The following TIMELESS variants were observed in gnomAD, a reference collection of about 807,000 sequenced individuals.
The protein encoded by TIMELESS is timeless circadian regulator.
Under a neutral mutation model 164.3 loss-of-function variants are expected in TIMELESS, and 124 were observed. That is an observed-to-expected ratio of 0.75 (90% confidence interval 0.65 to 0.88). The LOEUF (loss-of-function observed/expected upper bound fraction) is 0.88. Among genes scored for constraint, TIMELESS ranks in the 40% least tolerant of loss-of-function variants. The probability of loss-of-function intolerance (pLI) is 0.00; values close to 1 mark genes in which losing one functional copy is unlikely to be tolerated. For missense variants in TIMELESS, 1,422 were observed against 1,491.4 expected (o/e 0.95, Z 0.77); for synonymous variants, 564 against 563.4 (o/e 1.00, Z -0.02).
intron 26 of TIMELESS, 63 bp from the exon 27 acceptor site, chr12:56,418,422 T>G: frequency 8.3e-7 from 1 of 1,199,700 alleles, no homozygotes; most frequent in Non-Finnish European, 1.2e-6. Context: ...AGTATGATAT[T>G]CATTGAATAT....
At chr12:56,420,502 G>T in intron 26 of TIMELESS, 67 bp downstream of exon 26, 2 of 1,274,980 alleles carry the variant, frequency 1.6e-6, no homozygotes, top group Non-Finnish European at 2.3e-6. Flanking sequence ...ACAGTGAGGA[G>T]GAGGAGGAGA....
chr12:56,426,852 G>C, intron 13 of TIMELESS, among the ~76,000 whole-genome samples: 1 of 152,148 alleles, frequency 6.6e-6, no homozygotes, highest in Non-Finnish European at 1.5e-5. Context: ...GAGCCACCGC[G>C]CCTGGCCCAA....
chr12:56,447,968 G>A (rs1052156732), intron 1 of TIMELESS, among the ~76,000 whole-genome samples: 3 of 152,164 alleles, frequency 2.0e-5, no homozygotes, highest in Non-Finnish European at 4.4e-5. Flanking sequence ...AGTCAGGTGC[G>A]TAAGAGATTT....
intron 1 of TIMELESS, among the ~76,000 whole-genome samples, chr12:56,438,707 G>A (rs1592255445): frequency 6.6e-6 from 1 of 150,378 alleles, no homozygotes; most frequent in Non-Finnish European, 1.5e-5. Flanking sequence ...GAGCCTGGGA[G>A]GTGGAGGCTG....
In TIMELESS at chr12:56,418,120, T is replaced by G. The variant is rs761421622; in HGVS notation, c.3454+14A>C. ...GACACGTTAATACTCAGAAGATGGC[T>G]GTCGCACTATTACCCTCTGGGGATG... On this transcript the variant is annotated intron_variant, in intron 27 of 28. Transcript: ENST00000553532. 5.6e-6 allele frequency: 9 copies of G among 1,613,830 alleles called. No homozygotes were observed. The highest frequency in any genetic ancestry group is 1.3e-5 in the African/African-American group (1 of 74,930).
At chr12:56,445,677 C>G (rs1029473928) in intron 1 of TIMELESS, among the ~76,000 whole-genome samples, 1 of 151,532 alleles carries the variant, frequency 6.6e-6, no homozygotes. Context: ...TTGCAGTGAG[C>G]TGAGATCGCA....
chr12:56,429,129 C>A, intron 10 of TIMELESS, 29 bp from the exon 11 acceptor site: 1 of 1,582,018 alleles, frequency 6.3e-7, no homozygotes, highest in African/African-American at 1.4e-5. Flanking sequence ...AAAAAAAGAT[C>A]ACCATGACTC....
intron 1 of TIMELESS, among the ~76,000 whole-genome samples, chr12:56,448,222 A>G: frequency 6.6e-6 from 1 of 150,776 alleles, no homozygotes; most frequent in East Asian, 2.0e-4. Flanking sequence ...CCTGGCCAAC[A>G]TGGTGAAACC....
In TIMELESS at chr12:56,416,448, G is replaced by A. The variant is rs1423374387; in HGVS notation, c.*1268C>T. ...CTCAATCTCACCTTTGCCCTACCTC[G>A]GCTGGAAGCACAGGAAGCAAGAAAG... On this transcript the variant is annotated 3_prime_UTR_variant, in exon 29 of 29. Transcript: ENST00000553532. 6.6e-6 allele frequency: 1 copy of A among 152,160 alleles called. No individual in the cohort carries two copies. Among genetic ancestry groups the A allele is most frequent in the Non-Finnish European group, 1.5e-5 (1 of 68,044 alleles). The allele number at this position is 152,160 out of a possible 1,614,324, so 9.4% of individuals were successfully genotyped here.
rs1024778061 is a variant in TIMELESS, at chr12:56,428,370, A to C, written c.1444T>G (p.Phe482Val). 1 of 1,612,952 alleles carries C rather than the reference A, an allele frequency of 6.2e-7. No individual in the cohort carries two copies. Among genetic ancestry groups the C allele is most frequent in the Non-Finnish European group, 8.5e-7 (1 of 1,179,140 alleles). The change falls in exon 13 of 29, where the codon TTC becomes GTC. Residue 482 changes from phenylalanine (F) to valine (V), a missense_variant. By Grantham distance (50) the Phe-to-Val change is conservative (BLOSUM62 -1). Coordinates refer to ENST00000553532, the MANE Select transcript of TIMELESS (RefSeq NM_003920.5). ...IFYVMEYRELFLALFRKFDER... is the reference protein window; with the variant it reads ...IFYVMEYRELVLALFRKFDER... ...TCAAACTTTCGAAAAAGTGCCAGGAATAGTTCTCGGTACTCCATCACATAG... is the reference window on the plus strand; with the variant it reads ...TCAAACTTTCGAAAAAGTGCCAGGACTAGTTCTCGGTACTCCATCACATAG...
rs1555176447 is a variant in TIMELESS, at chr12:56,420,029, A to AAAAAAATAT, written c.3228+539_3228+540insATATTTTTT. 3.1e-4 allele frequency among the ~76,000 whole-genome samples: 23 copies of AAAAAAATAT among 75,174 alleles called. No individual in the cohort carries two copies. In the East Asian group the frequency reaches 4.0e-3, roughly 13 times the overall value. The allele number at this position is 75,174 out of a possible 152,430, so 49.3% of individuals were successfully genotyped here. ...CTCAAAAAAAAAAAAAAAAAAAAAAAATATATATATATATATATATGTGTG... is the reference window on the plus strand; with the variant it reads ...CTCAAAAAAAAAAAAAAAAAAAAAAAAAAAAATATATATATATATATATATATATGTGTG... On this transcript the variant is annotated intron_variant, in intron 26 of 28. Transcript: ENST00000553532.
chr12:56,438,652 C>T (rs979841442), intron 1 of TIMELESS, among the ~76,000 whole-genome samples: 1 of 151,580 alleles, frequency 6.6e-6, no homozygotes, highest in Non-Finnish European at 1.5e-5. Context: ...GTGGTGTGTG[C>T]TTGTGGTCCT....
Position 56,421,034 on chromosome 12 carries a change from G to A in TIMELESS, c.2969C>T (p.Ser990Leu). ...EDSEEEEEGG[S>L]EAEQVQGSLV... ...GCTACCCTGGACTTGTTCTGCTTCTGAGCCCCCTTCTTCTTCCTCTTCGCT... is the reference window on the plus strand; with the variant it reads ...GCTACCCTGGACTTGTTCTGCTTCTAAGCCCCCTTCTTCTTCCTCTTCGCT... The change falls in exon 24 of 29, where the codon TCA becomes TTA. Residue 990 changes from serine to leucine, a missense_variant. Ser to Leu is a moderately radical substitution (Grantham distance 145). Transcript: ENST00000553532. The A allele has an allele frequency of 6.2e-7, 1 of 1,614,178 alleles. No individual in the cohort carries two copies.
In TIMELESS at chr12:56,421,899, C is replaced by T. The variant is rs765288206; in HGVS notation, c.2642G>A (p.Arg881Lys). 20 of 1,613,972 alleles carry T rather than the reference C, an allele frequency of 1.2e-5. No homozygotes were observed. Among genetic ancestry groups the T allele is most frequent in the Non-Finnish European group, 1.6e-5 (19 of 1,179,984 alleles). ...GCCTCCAGAGCATGTGCCTCTCTAC[C>T]TTTGGAAGTCCTTGACACTGTCAGC... is the stretch of plus-strand genomic sequence containing the variant. ...GLADSVKDFQ[R>K]KGTHIVLWTG... The change falls in exon 21 of 29, where the codon AGG becomes AAG. Residue 881 changes from arginine to lysine, a missense_variant and splice_region_variant. By Grantham distance (26) the Arg-to-Lys change is conservative. Transcript: ENST00000553532.
rs139866328 is a variant in TIMELESS at position 56,417,139 on chromosome 12, T to C, written c.*577A>G. On this transcript the variant is annotated 3_prime_UTR_variant, in exon 29 of 29. Transcript: ENST00000553532. ...AGACTGAGATGAGAACTTCTAATCT[T>C]ACATGTTTAATACCAAACACAAAGC... 344 of 153,762 alleles carry C rather than the reference T, an allele frequency of 2.2e-3. 2 individuals are homozygous for C. The highest frequency in any genetic ancestry group is 8.0e-3 in the African/African-American group (332 of 41,566). 9.5% of individuals were successfully genotyped at this position (153,762 alleles called of 1,614,324 possible).
At chr12:56,434,265 T>G (rs1881999621) in intron 1 of TIMELESS, 34 bp from the exon 2 acceptor site, 1 of 1,007,992 alleles carries the variant, frequency 9.9e-7, no homozygotes, top group African/African-American at 1.6e-5. Flanking sequence ...AAATGTAAGT[T>G]CCTCTCCATG....
chr12:56,424,919 G>C lies in TIMELESS; in HGVS notation c.1717-6C>G. The C allele has an allele frequency of 6.2e-7, 1 of 1,614,200 alleles. No individual in the cohort carries two copies. The highest frequency in any genetic ancestry group is 1.7e-5 in the Admixed American group (1 of 60,022). On this transcript the variant is annotated splice_region_variant and splice_polypyrimidine_tract_variant and intron_variant, in intron 14 of 28. Coordinates refer to ENST00000553532, the MANE Select transcript of TIMELESS (RefSeq NM_003920.5). ...TCCATGCTGAGCTCAGAATTCTAGA[G>C]ATGGATAAAGCTATGGGAGCGGAGG...
chr12:56,424,774 A>G lies in TIMELESS; in HGVS notation c.1856T>C (p.Leu619Pro). The G allele has an allele frequency of 6.2e-7, 1 of 1,614,102 alleles. No homozygotes were observed. The highest frequency in any genetic ancestry group is 8.5e-7 in the Non-Finnish European group (1 of 1,180,004). The change falls in exon 15 of 29, where the codon CTG becomes CCG. Residue 619 changes from leucine (L) to proline (P), a missense_variant. Coordinates refer to ENST00000553532, the MANE Select transcript of TIMELESS (RefSeq NM_003920.5). ...GCAGGGTTCTTACCGAGCAGACCTC[A>G]GGAGAGTCAGGGCCTGTGGGGCCTG... ...AGQAPQALTL[L>P]RSAREVWPEG... is the part of the protein sequence containing the mutation.
At chr12:56,422,288 A>G in intron 19 of TIMELESS, 97 bp from the exon 20 acceptor site, 2 of 1,139,422 alleles carry the variant, frequency 1.8e-6, no homozygotes, top group Non-Finnish European at 2.6e-6. Context: ...AACAGGAAGG[A>G]CAAGGCAGGT....
Sources: gnomAD v4.1 joint callset for allele counts (sites outside exome capture counted in the v4.1 genomes callset) on GRCh38, gnomAD v4.1.1 for gene constraint, MANE v1.5 for transcripts, NCBI Gene and HGNC (gene_info 2026-07-23, HGNC 2026-07-21) for gene names.